Variants in STAC observed in about 807,000 individuals in gnomAD.
STAC encodes the protein SH3 and cysteine rich domain.
Under a neutral mutation model 48.8 loss-of-function variants are expected in STAC, and 43 were observed. The observed-to-expected ratio is 0.88, with a 90% CI of 0.69 to 1.14. STAC has a LOEUF of 1.14. STAC is among the 50% of genes most tolerant of loss of function. STAC has a pLI of 0.00. For synonymous variants in STAC, 193 were observed against 179.5 expected, an observed-to-expected ratio of 1.07 and a Z score of -0.60; for missense variants, 497 against 504.0, an observed-to-expected ratio of 0.99 and a Z score of 0.13.
intron 8 of STAC, chr3:36,506,271 T>C (rs1056717548): frequency 3.2e-5 from 5 of 155,204 alleles, no homozygotes; most frequent in Non-Finnish European, 5.7e-5. Flanking sequence ...CTGAGGCCTC[T>C]GTTCTGTACC....
At chr3:36,493,261 G>T in intron 6 of STAC, 32 bp downstream of exon 6, 2 of 1,606,210 alleles carry the variant, frequency 1.2e-6, no homozygotes, top group South Asian at 2.2e-5. Context: ...GCACAAATGT[G>T]ATCACATGAG....
chr3:36,414,626 T>C (rs1012929095), intron 1 of STAC, among the ~76,000 whole-genome samples: 2 of 152,214 alleles, frequency 1.3e-5, no homozygotes, highest in Non-Finnish European at 2.9e-5. Flanking sequence ...TCGAACTTTC[T>C]CCTTTAGCTC....
chr3:36,476,845 G>C (rs1697507389), intron 2 of STAC, among the ~76,000 whole-genome samples: 1 of 152,134 alleles, frequency 6.6e-6, no homozygotes, highest in Non-Finnish European at 1.5e-5. Context: ...ACCCTTCTGT[G>C]ACATGATCAT....
chr3:36,416,673 T>C (rs557149195), intron 1 of STAC, among the ~76,000 whole-genome samples: 2 of 152,254 alleles, frequency 1.3e-5, no homozygotes, highest in South Asian at 4.2e-4. Context: ...CTTAATTCTT[T>C]AGGATATGTA....
chr3:36,537,846 CATTA>C (rs1010058798), intron 10 of STAC, among the ~76,000 whole-genome samples: 34 of 151,662 alleles, frequency 2.2e-4, no homozygotes, highest in Middle Eastern at 3.4e-3. Context: ...GTTGACCAAA[CATTA>C]ATTAAAGATC....
intron 1 of STAC, among the ~76,000 whole-genome samples, chr3:36,427,761 A>G (rs73830350): frequency 0.023 from 3,541 of 152,326 alleles, 61 homozygotes; most frequent in East Asian, 0.026. Flanking sequence ...TCTAGCTTGC[A>G]AAGCAGATAT....
rs376406921 is a variant in STAC, at chr3:36,380,673, C to T, written c.30C>T (p.Asp10=). The T allele has an allele frequency of 1.1e-5, 18 of 1,605,680 alleles. No individual in the cohort carries two copies. The African/African-American group carries it at 2.4e-4, about 21-fold the overall frequency. Residue 10 remains aspartate (D), a synonymous_variant, in exon 1 of 11, where the codon GAC becomes GAT. Transcript: ENST00000273183. ...TCCCTCCGAGCAGCCCCCGCGAGGA[C>T]GGCGTGGACGGGCTGCCCAAGGAGG... The part of the protein sequence containing the change: MIPPSSPRE[D]GVDGLPKEAV...
Position 36,443,726 on chromosome 3 carries a change from G to A in STAC, c.388+86G>A, listed in dbSNP as rs1202111901. The A allele has an allele frequency of 6.6e-7, 1 of 1,516,142 alleles. No homozygotes were observed. Among genetic ancestry groups the A allele is most frequent in the East Asian group, 2.3e-5 (1 of 44,262 alleles). 93.9% of individuals were successfully genotyped at this position (1,516,142 alleles called of 1,614,324 possible). A position where few individuals can be genotyped will look rare whatever the true frequency, so the allele number is the denominator to read the frequency against. ...TGTGCCACGGGTCCAGGTACCTACG[G>A]ACAGATGCTAGGCCTCAGAGATTTA... On this transcript the variant is annotated intron_variant, in intron 2 of 10. Coordinates refer to ENST00000273183, the MANE Select transcript of STAC (RefSeq NM_003149.3). The surrounding 1 kb of genome is among the most constrained non-coding windows in gnomAD (Gnocchi z 4.2).
At chr3:36,537,100 G>A (rs1216220070) in intron 10 of STAC, among the ~76,000 whole-genome samples, 1 of 152,272 alleles carries the variant, frequency 6.6e-6, no homozygotes. Flanking sequence ...CTGTTGGTGG[G>A]AATGTAAATT....
intron 8 of STAC, among the ~76,000 whole-genome samples, chr3:36,526,112 C>G (rs1356097139): frequency 4.6e-5 from 7 of 152,050 alleles, no homozygotes; most frequent in Non-Finnish European, 1.5e-5. Context: ...ATGAAGATGA[C>G]CAGAGACCAA....
At chr3:36,539,869 C>A (rs951937469) in intron 10 of STAC, among the ~76,000 whole-genome samples, 1 of 152,062 alleles carries the variant, frequency 6.6e-6, no homozygotes, top group Non-Finnish European at 1.5e-5. Context: ...GGCAGAATAA[C>A]AACTCCCCAA....
intron 8 of STAC, among the ~76,000 whole-genome samples, chr3:36,514,541 T>C (rs1229028860): frequency 6.6e-6 from 1 of 152,206 alleles, no homozygotes; most frequent in Non-Finnish European, 1.5e-5. Flanking sequence ...CTAGTCTCTA[T>C]CTCTCCTGTA....
At chr3:36,427,882 T>C (rs1700604754) in intron 1 of STAC, among the ~76,000 whole-genome samples, 2 of 152,154 alleles carry the variant, frequency 1.3e-5, no homozygotes, top group Non-Finnish European at 2.9e-5. Context: ...CTACCAAAAA[T>C]ATGTGTAACC....
chr3:36,524,277 G>C (rs898881446), intron 8 of STAC, among the ~76,000 whole-genome samples: 7 of 151,982 alleles, frequency 4.6e-5, no homozygotes, highest in Non-Finnish European at 1.5e-5. Flanking sequence ...CTCAAAACTG[G>C]GTCAAGACTA....
chr3:36,479,916 G>T (rs1697599461), intron 2 of STAC, among the ~76,000 whole-genome samples: 1 of 152,206 alleles, frequency 6.6e-6, no homozygotes, highest in Non-Finnish European at 1.5e-5. Context: ...TCTCTGAGCT[G>T]CAGAACACAA....
intron 2 of STAC, among the ~76,000 whole-genome samples, chr3:36,450,247 A>G (rs1297707785): frequency 6.6e-6 from 1 of 152,096 alleles, no homozygotes; most frequent in Non-Finnish European, 1.5e-5. Context: ...AGTAAATGGG[A>G]AAAAAAATAG....
chr3:36,398,384 G>GA (rs1699913220), intron 1 of STAC, among the ~76,000 whole-genome samples: 1 of 139,780 alleles, frequency 7.2e-6, no homozygotes, highest in Non-Finnish European at 1.5e-5. Context: ...AAGAGAGAAA[G>GA]AAAGAAAGAG....
rs570837467 is a variant in STAC, at chr3:36,497,636, C to T, written c.766+4407C>T. Among the ~76,000 whole-genome samples, 29 of 151,640 alleles carry T rather than the reference C, an allele frequency of 1.9e-4. No homozygotes were observed. The South Asian group carries it at 5.6e-3, about 29-fold the overall frequency. ...GATACCCTTAGGATCACTGGACAAA[C>T]AGGATTCCCTGCAGAGGAATATGCT... On this transcript the variant is annotated intron_variant, in intron 6 of 10. Coordinates refer to ENST00000273183, the MANE Select transcript of STAC (RefSeq NM_003149.3).
intron 2 of STAC, chr3:36,459,444 A>C (rs530356724): frequency 6.6e-6 from 1 of 152,332 alleles, no homozygotes; most frequent in East Asian, 1.9e-4. Context: ...CTTAGCAGCA[A>C]TATCCTGTTG....
Sources: gnomAD v4.1 joint callset for allele counts (sites outside exome capture counted in the v4.1 genomes callset) on GRCh38, gnomAD v4.1.1 for gene constraint, Gnocchi (gnomAD v3.1) non-coding constraint, MANE v1.5 for transcripts, NCBI Gene and HGNC (gene_info 2026-07-23, HGNC 2026-07-21) for gene names.